Variants in DLGAP2 observed in about 807,000 individuals in gnomAD.
DLGAP2 encodes the protein disks large-associated protein 2.
In DLGAP2, 26 loss-of-function variants were observed where a neutral mutation model predicts 100.3. The ratio of observed to expected loss-of-function variants is 0.26; its 90% CI spans 0.19 to 0.36. DLGAP2 has a LOEUF of 0.36. Among genes scored for constraint, DLGAP2 ranks in the 10% least tolerant of loss-of-function variants. The pLI, the probability that DLGAP2 is intolerant of heterozygous loss-of-function variation, is 1.00. For missense variants in DLGAP2, 1,858 were observed against 1,453.2 expected (o/e 1.28, Z -4.53); for synonymous variants, 886 against 630.1 (o/e 1.41, Z -6.08).
At chr8:1,659,637 C>G (rs185010396) in intron 8 of DLGAP2, among the ~76,000 whole-genome samples, 114 of 152,206 alleles carry the variant, frequency 7.5e-4, no homozygotes, top group African/African-American at 2.5e-3. Context: ...GGCTTAAAGT[C>G]TGTTTTATCA....
chr8:1,391,395 C>G (rs1352098071), intron 3 of DLGAP2, among the ~76,000 whole-genome samples: 3 of 152,188 alleles, frequency 2.0e-5, no homozygotes, highest in Non-Finnish European at 2.9e-5. Context: ...TGTGCAGAGG[C>G]ACGCGGCTTA....
chr8:1,610,029 C>A (rs889209440), intron 6 of DLGAP2, among the ~76,000 whole-genome samples: 9 of 151,734 alleles, frequency 5.9e-5, no homozygotes, highest in African/African-American at 2.2e-4. Flanking sequence ...AGCTCTGTAC[C>A]AAGCGGACCT....
At position 1,009,808 on chromosome 8, in the gene DLGAP2, G is replaced by A. The variant is rs192091960; in HGVS notation, c.73+101842G>A. ...ATCCTGGCGCTTTGCAGAGGAAGGA[G>A]GTGGTAATTTTGCAGATTATTATCT... On this transcript the variant is annotated intron_variant, in intron 2 of 14. Transcript: ENST00000637795. Among the ~76,000 whole-genome samples, 853 of 152,328 alleles carry A rather than the reference G, an allele frequency of 5.6e-3. 6 individuals carry two copies. Among genetic ancestry groups the A allele is most frequent in the Middle Eastern group, 0.031 (9 of 294 alleles).
At chr8:1,122,913 T>A (rs186077850) in intron 2 of DLGAP2, among the ~76,000 whole-genome samples, 42 of 152,174 alleles carry the variant, frequency 2.8e-4, no homozygotes, top group African/African-American at 9.9e-4. Flanking sequence ...CTGGGAAGAG[T>A]GTGATACCAG....
rs571887271 is a variant in DLGAP2 at position 857,249 on chromosome 8, C to A, written c.19-50663C>A. ...GCAAAACTATAAAAGTCCTAGGAGA[C>A]AATGTGGGAGAACCCTGGGTAAGCT... On this transcript the variant is annotated intron_variant, in intron 1 of 14. Transcript: ENST00000637795. Among the ~76,000 whole-genome samples the A allele has an allele frequency of 3.3e-5, 5 of 152,258 alleles. No individual in the cohort carries two copies. The South Asian group carries it at 1.0e-3, about 32-fold the overall frequency.
intron 8 of DLGAP2, among the ~76,000 whole-genome samples, chr8:1,647,993 A>C (rs1344275911): frequency 6.6e-6 from 1 of 152,214 alleles, no homozygotes; most frequent in Non-Finnish European, 1.5e-5. Flanking sequence ...ACCCACGGTC[A>C]CAGACGTCGG....
intron 1 of DLGAP2, among the ~76,000 whole-genome samples, chr8:826,426 G>T (rs1165635389): frequency 6.6e-6 from 1 of 152,068 alleles, no homozygotes; most frequent in Non-Finnish European, 1.5e-5. Flanking sequence ...ATTCACTTTG[G>T]TTTTAATTTG....
At chr8:1,673,478 A>G (rs146216099) in intron 10 of DLGAP2, among the ~76,000 whole-genome samples, 18 of 152,352 alleles carry the variant, frequency 1.2e-4, no homozygotes, top group Non-Finnish European at 1.6e-4. Context: ...CCATCCAGCA[A>G]TGGAGAACTT....
chr8:1,286,451 C>T (rs1799922958), intron 3 of DLGAP2, among the ~76,000 whole-genome samples: 1 of 152,188 alleles, frequency 6.6e-6, no homozygotes, highest in African/African-American at 2.4e-5. Flanking sequence ...CAAGCTCTAC[C>T]AGTTACCATC....
chr8:1,430,012 A>ATATATATATATATG lies in DLGAP2; in HGVS notation c.107-71341_107-71340insGTATATATATATAT, dbSNP rs1797373598. Among the ~76,000 whole-genome samples, 4 of 69,486 alleles carry ATATATATATATATG rather than the reference A, an allele frequency of 5.8e-5. 1 individual carries two copies. Among genetic ancestry groups the ATATATATATATATG allele is most frequent in the African/African-American group, 3.2e-4 (4 of 12,560 alleles). The allele number at this position is 69,486 out of a possible 152,430, so 45.6% of individuals were successfully genotyped here. ...GGGAGAGATGCATATATATACATAT[A>ATATATATATATATG]TATATATATATATATACACACACAC... On this transcript the variant is annotated intron_variant, in intron 3 of 14. Transcript: ENST00000637795.
At chr8:1,169,372 C>T (rs543729572) in intron 2 of DLGAP2, among the ~76,000 whole-genome samples, 29 of 152,136 alleles carry the variant, frequency 1.9e-4, no homozygotes, top group East Asian at 5.8e-4. Context: ...CGGGCTCTTT[C>T]TTGGTTCCAT....
chr8:794,958 C>T (rs1369918549), intron 1 of DLGAP2, among the ~76,000 whole-genome samples: 4 of 152,174 alleles, frequency 2.6e-5, no homozygotes, highest in African/African-American at 7.2e-5. Flanking sequence ...GTGGCTTGTC[C>T]ATCCCTCCAG....
In DLGAP2 at chr8:1,565,730, G is replaced by A. The variant is rs767385484; in HGVS notation, c.1278G>A (p.Glu426=). 1.2e-6 allele frequency: 2 copies of A among 1,613,514 alleles called. No homozygotes were observed. Among genetic ancestry groups the A allele is most frequent in the East Asian group, 2.2e-5 (1 of 44,870 alleles). ...WGGYPTGGKD[E]EIPCRRMRSG... is the part of the protein sequence containing the mutation. ...GGTACCCCACCGGTGGCAAAGATGA[G>A]GAGATTCCCTGCAGGAGAATGAGAA... The change falls in exon 6 of 15, where the codon GAG becomes GAA. Residue 426 remains glutamate, a synonymous_variant. Transcript: ENST00000637795.
chr8:1,411,895 C>T lies in DLGAP2; in HGVS notation c.107-89471C>T, dbSNP rs78933394. Among the ~76,000 whole-genome samples, 531 of 152,276 alleles carry T rather than the reference C, an allele frequency of 3.5e-3. 10 individuals are homozygous for T. The East Asian group carries it at 0.048, about 14-fold the overall frequency. On this transcript the variant is annotated intron_variant, in intron 3 of 14. Coordinates refer to ENST00000637795, the MANE Select transcript of DLGAP2 (RefSeq NM_001346810.2). ...TGCGGCACACTCATCCAGGCCTTTG[C>T]AAGTGGGACACAGAGTGTGGGGGTG...
In DLGAP2 at chr8:1,163,597, G is replaced by T. The variant is rs190473361; in HGVS notation, c.74-95254G>T. On this transcript the variant is annotated intron_variant, in intron 2 of 14. Coordinates refer to ENST00000637795, the MANE Select transcript of DLGAP2 (RefSeq NM_001346810.2). ...GAGAGCTGCGTGAGCCAAGAACGCG[G>T]TTGTGTAACTGACCCCGGAAGCGCA... 6.4e-4 allele frequency among the ~76,000 whole-genome samples: 97 copies of T among 152,366 alleles called. No homozygotes were observed. In the East Asian group the frequency reaches 0.012, roughly 19 times the overall value.
chr8:1,471,355 C>A (rs918559141), intron 3 of DLGAP2, among the ~76,000 whole-genome samples: 1 of 134,842 alleles, frequency 7.4e-6, no homozygotes, highest in African/African-American at 2.7e-5. Flanking sequence ...ACCCCTCCAG[C>A]TTTTCCCGAC....
chr8:1,209,186 A>G (rs927281289), intron 2 of DLGAP2, among the ~76,000 whole-genome samples: 3 of 152,212 alleles, frequency 2.0e-5, no homozygotes, highest in Non-Finnish European at 4.4e-5. Context: ...AAGAGCCTGC[A>G]TAGCCAAAGC....
At chr8:1,349,083 T>C (rs1178898515) in intron 3 of DLGAP2, among the ~76,000 whole-genome samples, 1 of 151,694 alleles carries the variant, frequency 6.6e-6, no homozygotes, top group East Asian at 1.9e-4. Context: ...ACCTCAGCAG[T>C]GTGCTGCTCA....
chr8:1,255,067 C>T lies in DLGAP2; in HGVS notation c.74-3784C>T, dbSNP rs36145626. 6.7e-4 allele frequency among the ~76,000 whole-genome samples: 94 copies of T among 139,334 alleles called. 1 individual carries two copies. Among genetic ancestry groups the T allele is most frequent in the African/African-American group, 2.2e-3 (83 of 37,234 alleles). 91.4% of individuals were successfully genotyped at this position (139,334 alleles called of 152,430 possible). A position where few individuals can be genotyped will look rare whatever the true frequency, so the allele number is the denominator to read the frequency against. On this transcript the variant is annotated intron_variant, in intron 2 of 14. Transcript: ENST00000637795. ...GCTGTGTGTGTGTCCTCTCATCCTG[C>T]CCGGCCGCTGTGTGTGTGTCCTCTC... is the stretch of plus-strand genomic sequence containing the variant.
Sources: allele counts gnomAD v4.1 joint callset (sites outside exome capture counted in the v4.1 genomes callset), GRCh38; gene constraint gnomAD v4.1.1; transcripts MANE v1.5; gene names NCBI Gene and HGNC (gene_info 2026-07-23, HGNC 2026-07-21).